Variants in RTCA observed in about 807,000 individuals in gnomAD.
The protein encoded by RTCA is RNA terminal phosphate cyclase domain 1.
A neutral mutation model predicts 46.1 loss-of-function variants in RTCA; 37 were observed. The observed-to-expected ratio is 0.80, with a 90% CI of 0.62 to 1.06. The LOEUF (loss-of-function observed/expected upper bound fraction) is 1.06, where lower values mean the gene tolerates loss of function less well. Ranked by LOEUF, RTCA falls within the 50% of genes least tolerant of loss-of-function variation. The pLI is 0.00. For missense variants in RTCA, 435 were observed against 455.5 expected, an observed-to-expected ratio of 0.95 and a Z score of 0.41; for synonymous variants, 164 against 158.3, an observed-to-expected ratio of 1.04 and a Z score of -0.27.
chr1:100,270,494 A>C, intron 3 of RTCA, 63 bp from the exon 4 acceptor site: 1 of 1,588,574 alleles, frequency 6.3e-7, no homozygotes, highest in Admixed American at 1.8e-5. Context: ...TAGCTTATTT[A>C]AGAGTTTGAA....
At chr1:100,281,261 G>A (rs1453132395) in intron 8 of RTCA, 4 of 533,750 alleles carry the variant, frequency 7.5e-6, no homozygotes, top group South Asian at 2.8e-5. Context: ...ATTTTAAAAC[G>A]GTGAGATTTT....
At chr1:100,279,365 T>C (rs1289624526) in intron 8 of RTCA, among the ~76,000 whole-genome samples, 1 of 152,236 alleles carries the variant, frequency 6.6e-6, no homozygotes, top group Non-Finnish European at 1.5e-5. Flanking sequence ...TTCTGGGGAC[T>C]GATTGACACC....
At chr1:100,287,975 G>A (rs1249031423) in intron 10 of RTCA, among the ~76,000 whole-genome samples, 3 of 151,926 alleles carry the variant, frequency 2.0e-5, no homozygotes, top group Non-Finnish European at 4.4e-5. Flanking sequence ...TCTAATTTTT[G>A]TAGAGATGGG....
chr1:100,286,248 C>G (rs760326084), intron 9 of RTCA, among the ~76,000 whole-genome samples: 5 of 151,824 alleles, frequency 3.3e-5, no homozygotes, highest in African/African-American at 4.8e-5. Context: ...GTCAAGAGAT[C>G]GAGACCATCC....
At chr1:100,286,126 A>G (rs960245788) in intron 9 of RTCA, among the ~76,000 whole-genome samples, 2 of 152,016 alleles carry the variant, frequency 1.3e-5, no homozygotes, top group African/African-American at 4.8e-5. Flanking sequence ...ATGCCTGTCA[A>G]CACCTCCACT....
In RTCA at chr1:100,266,532, G is replaced by C; in HGVS notation, c.54G>C (p.Gln18His). The C allele has an allele frequency of 6.2e-7, 1 of 1,613,386 alleles. No individual in the cohort carries two copies. The highest frequency in any genetic ancestry group is 1.1e-5 in the South Asian group (1 of 91,062). Reference sequence around the variant, plus strand: ...TACCCCAACCTTTGCAGGGCGGCCAGATCCTGAGAGTCTCTACGGCCTTGA... The same window carrying C: ...TACCCCAACCTTTGCAGGGCGGCCACATCCTGAGAGTCTCTACGGCCTTGA... The part of the protein sequence containing the change: ...VDGSIMEGGG[Q>H]ILRVSTALSC... The change falls in exon 2 of 11, where the codon CAG (glutamine) becomes CAC (histidine). Residue 18 changes from glutamine (Q) to histidine (H), a missense_variant. By Grantham distance (24) the Gln-to-His change is conservative. Transcript: ENST00000370128.
At position 100,285,211 on chromosome 1, in the gene RTCA, G is replaced by A. The variant is rs1666953733; in HGVS notation, c.800-17G>A. 1.3e-6 allele frequency: 2 copies of A among 1,590,812 alleles called. No homozygotes were observed. The highest frequency in any genetic ancestry group is 2.7e-5 in the African/African-American group (2 of 74,258). On this transcript the variant is annotated splice_polypyrimidine_tract_variant and intron_variant, in intron 8 of 10. Transcript: ENST00000370128. ...TTGTTTTGTTTTGTTTTGTTTTAAT[G>A]TTGTGCTTATCTTAAGGTGTAAATG...
In RTCA at chr1:100,266,254, A is replaced by G. The variant is rs1665758787; in HGVS notation, c.-122A>G. ...GCGCCGCTTCTTCCGCTTTCTCGTC[A>G]GGCTCCTGCGCCCCAGGCATGAACC... On this transcript the variant is annotated 5_prime_UTR_variant, in exon 1 of 11. Transcript: ENST00000370128. 3 of 1,093,892 alleles carry G rather than the reference A, an allele frequency of 2.7e-6. No homozygotes were observed. Among genetic ancestry groups the G allele is most frequent in the Non-Finnish European group, 3.8e-6 (3 of 787,778 alleles). 67.8% of individuals were successfully genotyped at this position (1,093,892 alleles called of 1,614,324 possible). A position where few individuals can be genotyped will look rare whatever the true frequency, so the allele number is the denominator to read the frequency against.
chr1:100,277,106 A>G, intron 7 of RTCA, 152 bp from the exon 8 acceptor site: 1 of 663,534 alleles, frequency 1.5e-6, no homozygotes. Flanking sequence ...GACAATGTTA[A>G]TCATACCACT....
At chr1:100,284,367 G>A (rs1185414348) in intron 8 of RTCA, among the ~76,000 whole-genome samples, 1 of 150,710 alleles carries the variant, frequency 6.6e-6, no homozygotes, top group African/African-American at 2.4e-5. Context: ...TACATAAAAT[G>A]TAATTTCCTG....
chr1:100,278,397 A>T (rs947161045), intron 8 of RTCA, among the ~76,000 whole-genome samples: 1 of 152,214 alleles, frequency 6.6e-6, no homozygotes, highest in African/African-American at 2.4e-5. Flanking sequence ...TACTTTTACC[A>T]ATCAGGCAAC....
intron 7 of RTCA, among the ~76,000 whole-genome samples, chr1:100,276,695 C>A (rs879917255): frequency 3.9e-5 from 6 of 152,074 alleles, no homozygotes; most frequent in African/African-American, 7.2e-5. Context: ...CAGACTAGAA[C>A]TATTATGTTA....
At chr1:100,273,253 G>T in intron 4 of RTCA, 141 bp from the exon 5 acceptor site, 1 of 479,170 alleles carries the variant, frequency 2.1e-6, no homozygotes, top group Non-Finnish European at 3.7e-6. Flanking sequence ...GAAAAAAATG[G>T]AACCAGCCTA....
At chr1:100,287,691 A>T (rs141266961) in intron 10 of RTCA, among the ~76,000 whole-genome samples, 1 of 152,286 alleles carries the variant, frequency 6.6e-6, no homozygotes, top group Admixed American at 6.5e-5. Flanking sequence ...TGTTGAAACT[A>T]ATATTCACTG....
chr1:100,272,522 T>A (rs1329145187), intron 4 of RTCA, among the ~76,000 whole-genome samples: 2 of 150,920 alleles, frequency 1.3e-5, no homozygotes, highest in Non-Finnish European at 1.5e-5. Flanking sequence ...TTTCTGCCTT[T>A]AAAAAAAAAC....
At position 100,291,306 on chromosome 1, in the gene RTCA, G is replaced by T. The variant is rs113394852; in HGVS notation, c.1000-97G>T. ...GTCTCTGTAGGTTTTTCAATAAAAT[G>T]GGCTTGACATTAACTCTCTGCCTAC... On this transcript the variant is annotated intron_variant, in intron 10 of 10. Transcript: ENST00000370128. 1,867 of 691,576 alleles carry T rather than the reference G, an allele frequency of 2.7e-3. 42 individuals are homozygous for T. In the African/African-American group the frequency reaches 0.031, roughly 11 times the overall value. The allele number at this position is 691,576 out of a possible 1,614,324, so 42.8% of individuals were successfully genotyped here.
At chr1:100,273,497 A>G (rs770943437) in intron 5 of RTCA, 45 bp downstream of exon 5, 3 of 1,249,606 alleles carry the variant, frequency 2.4e-6, no homozygotes, top group African/African-American at 1.5e-5. Flanking sequence ...TACTTACGCT[A>G]GAAGTAGTGG....
chr1:100,273,312 A>C, intron 4 of RTCA, 82 bp from the exon 5 acceptor site: 25 of 815,322 alleles, frequency 3.1e-5, no homozygotes, highest in Non-Finnish European at 4.5e-5. Flanking sequence ...ACTAGCCAGC[A>C]AAGCGCTTTT....
chr1:100,283,966 A>G (rs75650317), intron 8 of RTCA, among the ~76,000 whole-genome samples: 2 of 120,380 alleles, frequency 1.7e-5, no homozygotes, highest in African/African-American at 5.6e-5. Flanking sequence ...ACAAGAAAAA[A>G]CAAGAAAAAC....
Sources: gnomAD v4.1 joint callset for allele counts (sites outside exome capture counted in the v4.1 genomes callset) on GRCh38, gnomAD v4.1.1 for gene constraint, MANE v1.5 for transcripts, NCBI Gene and HGNC (gene_info 2026-07-23, HGNC 2026-07-21) for gene names.